The following CHAT variants were observed in gnomAD, a reference collection of about 807,000 sequenced individuals.
CHAT encodes choline O-acetyltransferase.
In CHAT, 61 loss-of-function variants were observed where a neutral mutation model predicts 76.9. The ratio of observed to expected loss-of-function variants is 0.79; its 90% confidence interval spans 0.65 to 0.98. The LOEUF (loss-of-function observed/expected upper bound fraction) is 0.98. Among genes scored for constraint, CHAT ranks in the 50% least tolerant of loss-of-function variants. CHAT has a pLI of 0.00. For synonymous variants in CHAT, 407 were observed against 397.4 expected, an observed-to-expected ratio of 1.02 and a Z score of -0.29; for missense variants, 946 against 986.9, an observed-to-expected ratio of 0.96 and a Z score of 0.56.
intron 13 of CHAT, chr10:49,661,200 A>G (rs1329471063): frequency 6.6e-6 from 1 of 152,182 alleles, no homozygotes; most frequent in Non-Finnish European, 1.5e-5. Context: ...TTTACTCGTT[A>G]TTACTCATGG....
At chr10:49,622,610 G>A (rs573609030) in intron 5 of CHAT, among the ~76,000 whole-genome samples, 55 of 152,284 alleles carry the variant, frequency 3.6e-4, no homozygotes, top group African/African-American at 1.1e-3. Flanking sequence ...CTCAAGCACC[G>A]CAGGCTCTCT....
intron 7 of CHAT, among the ~76,000 whole-genome samples, chr10:49,633,208 A>T (rs1328435728): frequency 1.3e-5 from 2 of 152,178 alleles, no homozygotes; most frequent in African/African-American, 2.4e-5. Flanking sequence ...AAAATAAAAC[A>T]GATTCCCGGG....
Position 49,629,956 on chromosome 10 carries a change from A to G in CHAT, c.1111+2171A>G, listed in dbSNP as rs75642125. On this transcript the variant is annotated intron_variant, in intron 7 of 14. Coordinates refer to ENST00000337653, the MANE Select transcript of CHAT (RefSeq NM_020549.5). ...TGGAGAGACCAGTGACGTCAAGGCC[A>G]TTGAAAGCGAGAACAATTCCTGGGC... is the stretch of plus-strand genomic sequence containing the variant. Among the ~76,000 whole-genome samples, 795 of 152,350 alleles carry G rather than the reference A, an allele frequency of 5.2e-3. 7 individuals carry two copies. Among genetic ancestry groups the G allele is most frequent in the African/African-American group, 0.018 (760 of 41,586 alleles).
chr10:49,655,224 G>T lies in CHAT; in HGVS notation c.1764G>T (p.Lys588Asn). Residue 588 changes from lysine to asparagine, a missense_variant, in exon 12 of 15, where the codon AAG becomes AAT. Lys to Asn is a moderately conservative substitution (Grantham distance 94, BLOSUM62 0). Around this residue, in one of 3 missense-constraint regions of CHAT, gnomAD observed 349 missense variants for 393.9 expected, o/e 0.89. Coordinates refer to ENST00000337653, the MANE Select transcript of CHAT (RefSeq NM_020549.5). The stretch of plus-strand genomic sequence containing the variant: ...TTGTGAGAGCCGTGACTGACCACAA[G>T]GCTGCTGTGCCAGTAAGTCCCGCCC... ...LAFVRAVTDH[K>N]AAVPASEKLL... The T allele has an allele frequency of 6.2e-7, 1 of 1,614,056 alleles. No homozygotes were observed. The highest frequency in any genetic ancestry group is 8.5e-7 in the Non-Finnish European group (1 of 1,180,046).
In CHAT at chr10:49,614,385, C is replaced by A. The variant is rs1022799648; in HGVS notation, c.196C>A (p.Arg66Ser). ...GCSPHPRAAT[R>S]PPPLPAHTPA... ...CAGCCCCCACCCCCGCGCTGCGACA[C>A]GCCCCCCACCCCTTCCGGCTCACAC... The change falls in exon 1 of 15, where the codon CGC (arginine) becomes AGC (serine). Residue 66 changes from arginine (R) to serine (S), a missense_variant. This residue lies in a region of CHAT where 548 missense variants were observed against 516.2 expected (regional missense o/e 1.06). Coordinates refer to ENST00000337653, the MANE Select transcript of CHAT (RefSeq NM_020549.5). 7 of 1,543,810 alleles carry A rather than the reference C, an allele frequency of 4.5e-6. No individual in the cohort carries two copies. Among genetic ancestry groups the A allele is most frequent in the African/African-American group, 1.4e-5 (1 of 72,818 alleles).
chr10:49,616,054 T>C (rs1477878860), intron 1 of CHAT: 2 of 1,613,814 alleles, frequency 1.2e-6, no homozygotes, highest in Admixed American at 3.3e-5. Flanking sequence ...ACACCAGAGA[T>C]GTGGCCGGAA....
At chr10:49,612,186 C>T (rs1178088349), upstream of CHAT, 1 of 1,609,738 alleles carries the variant, frequency 6.2e-7, no homozygotes, top group Non-Finnish European at 8.5e-7. Context: ...GTTCCGAGCG[C>T]GATGTGCTGC....
chr10:49,662,453 C>G lies in CHAT; in HGVS notation c.1840-192C>G, dbSNP rs114959772. On this transcript the variant is annotated intron_variant, in intron 13 of 14. Coordinates refer to ENST00000337653, the MANE Select transcript of CHAT (RefSeq NM_020549.5). ...GTGCATGTGGAAATGCGCAAGGGCC[C>G]GGGAGCAGAGGCCGCATGGTAGAGC... Among the ~76,000 whole-genome samples the G allele has an allele frequency of 7.2e-3, 1,096 of 152,314 alleles. 15 individuals carry two copies. Among genetic ancestry groups the G allele is most frequent in the African/African-American group, 0.025 (1,056 of 41,552 alleles).
intron 4 of CHAT, among the ~76,000 whole-genome samples, chr10:49,621,857 G>A (rs1590565515): frequency 7.8e-6 from 1 of 127,672 alleles, no homozygotes; most frequent in East Asian, 2.3e-4. Context: ...GGGGCTGGGG[G>A]GCAAGAACCA....
chr10:49,649,304 C>T (rs1839786447), intron 9 of CHAT, among the ~76,000 whole-genome samples: 1 of 152,188 alleles, frequency 6.6e-6, no homozygotes, highest in South Asian at 2.1e-4. Flanking sequence ...CTGGATGGAG[C>T]CCTGGCCCTG....
chr10:49,625,251 G>T (rs529781340), intron 5 of CHAT, among the ~76,000 whole-genome samples: 30 of 152,300 alleles, frequency 2.0e-4, no homozygotes, highest in African/African-American at 6.7e-4. Flanking sequence ...CGTGCATGAG[G>T]CAGAGGTTTG....
intron 5 of CHAT, among the ~76,000 whole-genome samples, chr10:49,623,388 G>T (rs1331134433): frequency 6.6e-6 from 1 of 151,998 alleles, no homozygotes; most frequent in Non-Finnish European, 1.5e-5. Context: ...TGATTGAAAA[G>T]GACTTAAGAC....
Position 49,614,422 on chromosome 10 carries a change from C to T in CHAT, c.233C>T (p.Thr78Ile), listed in dbSNP as rs550874261. Residue 78 changes from threonine (T) to isoleucine (I), a missense_variant, in exon 1 of 15, where the codon ACT becomes ATT. Physicochemically the swap from Thr to Ile is moderately conservative, Grantham distance 89. Coordinates refer to ENST00000337653, the MANE Select transcript of CHAT (RefSeq NM_020549.5). ...PPLPAHTPAH[T>I]PEWCGAASAE... ...CTTCCGGCTCACACCCCCGCCCACA[C>T]TCCTGAGTGGTGCGGTGCAGCGTCG... 7.1e-6 allele frequency: 11 copies of T among 1,547,696 alleles called. No individual in the cohort carries two copies. Among genetic ancestry groups the T allele is most frequent in the Non-Finnish European group, 8.7e-6 (10 of 1,146,720 alleles).
At chr10:49,644,288 T>C (rs1839587264) in intron 7 of CHAT, among the ~76,000 whole-genome samples, 1 of 152,060 alleles carries the variant, frequency 6.6e-6, no homozygotes, top group African/African-American at 2.4e-5. Flanking sequence ...CACGCAGGGA[T>C]CTAGGGTGGG....
At chr10:49,661,890 T>G (rs1840205550) in intron 13 of CHAT, among the ~76,000 whole-genome samples, 1 of 152,204 alleles carries the variant, frequency 6.6e-6, no homozygotes, top group Non-Finnish European at 1.5e-5. Context: ...ATCCTGGAGC[T>G]TTCTCTATAT....
chr10:49,651,542 A>G (rs1442791136), intron 10 of CHAT, among the ~76,000 whole-genome samples: 1 of 152,252 alleles, frequency 6.6e-6, no homozygotes, highest in Non-Finnish European at 1.5e-5. Context: ...TTACTCCGAC[A>G]GTGAATTACA....
intron 7 of CHAT, among the ~76,000 whole-genome samples, chr10:49,630,045 G>A (rs1590580956): frequency 1.3e-5 from 2 of 152,150 alleles, no homozygotes; most frequent in East Asian, 3.9e-4. Flanking sequence ...GGGTCGGGGA[G>A]TGGGTACAGG....
chr10:49,635,855 CT>C (rs1393191149), intron 7 of CHAT, among the ~76,000 whole-genome samples: 1 of 152,022 alleles, frequency 6.6e-6, no homozygotes, highest in East Asian at 1.9e-4. Flanking sequence ...TGCTTTCCCC[CT>C]AAGATCAGTA....
rs1839759837 is a variant in CHAT, at chr10:49,648,591, C to T, written c.1366C>T (p.His456Tyr). The T allele has an allele frequency of 6.2e-7, 1 of 1,612,478 alleles. No homozygotes were observed. Among genetic ancestry groups the T allele is most frequent in the South Asian group, 1.1e-5 (1 of 90,924 alleles). The change falls in exon 9 of 15, where the codon CAT (histidine) becomes TAT (tyrosine). Residue 456 changes from histidine (H) to tyrosine (Y), a missense_variant. Coordinates refer to ENST00000337653, the MANE Select transcript of CHAT (RefSeq NM_020549.5). The stretch of plus-strand genomic sequence containing the variant: ...CATCGTCCTGGTGCAGTGCACTGAG[C>T]ATCTGCTCAAGCACGTGTGAGTCTG... ...DGIVLVQCTEHLLKHVTQSSR... is the reference protein window; with the variant it reads ...DGIVLVQCTEYLLKHVTQSSR...
Sources: gnomAD v4.1 joint callset for allele counts (sites outside exome capture counted in the v4.1 genomes callset) on GRCh38, gnomAD v4.1.1 for gene constraint, gnomAD v4.1.1 regional missense constraint, MANE v1.5 for transcripts, NCBI Gene and HGNC (gene_info 2026-07-23, HGNC 2026-07-21) for gene names.